The following SPINK8 variants were observed in gnomAD, a reference collection of about 807,000 sequenced individuals.
SPINK8 encodes the protein serine protease inhibitor Kazal-type 8.
SPINK8 carries 12 observed loss-of-function variants against 14.4 expected under a neutral mutation model. The observed-to-expected ratio is 0.83, with a 90% confidence interval of 0.53 to 1.35. SPINK8 has a LOEUF of 1.35. Among genes scored for constraint, SPINK8 ranks in the 40% most tolerant of loss-of-function variants. The probability of loss-of-function intolerance (pLI) is 0.00; values close to 1 mark genes in which losing one functional copy is unlikely to be tolerated. For missense variants in SPINK8, 103 were observed against 117.0 expected, an observed-to-expected ratio of 0.88 and a Z score of 0.55; for synonymous variants, 32 against 37.6, an observed-to-expected ratio of 0.85 and a Z score of 0.55.
At chr3:48,320,920 C>G (rs1315348489) in intron 5 of SPINK8, 105 bp downstream of exon 5, 1 of 1,110,578 alleles carries the variant, frequency 9.0e-7, no homozygotes, top group Non-Finnish European at 1.3e-6. Flanking sequence ...TATTCCCATG[C>G]AAGCCCCCTC....
intron 4 of SPINK8, among the ~76,000 whole-genome samples, chr3:48,326,609 G>GAA (rs761081543): frequency 7.4e-6 from 1 of 134,326 alleles, no homozygotes; most frequent in Admixed American, 7.5e-5. Flanking sequence ...TCTGTCTCAA[G>GAA]AAAAAAAAAA....
chr3:48,317,703 G>C (rs2107094610), intron 6 of SPINK8, among the ~76,000 whole-genome samples: 1 of 151,800 alleles, frequency 6.6e-6, no homozygotes, highest in South Asian at 2.1e-4. Flanking sequence ...TTTTAGTAGA[G>C]ATGGGGTTTC....
chr3:48,307,735 T>G (rs2093746834), intron 7 of SPINK8, among the ~76,000 whole-genome samples: 1 of 152,074 alleles, frequency 6.6e-6, no homozygotes, highest in Non-Finnish European at 1.5e-5. Flanking sequence ...CAAGTGTACA[T>G]CTCATTTGAG....
chr3:48,310,628 G>T (rs2035912965), intron 6 of SPINK8, among the ~76,000 whole-genome samples: 1 of 151,740 alleles, frequency 6.6e-6, no homozygotes. Context: ...CTTCCAAGTA[G>T]CTGGGATTAC....
intron 6 of SPINK8, among the ~76,000 whole-genome samples, chr3:48,314,800 A>G (rs1268560848): frequency 6.6e-6 from 1 of 152,220 alleles, no homozygotes; most frequent in Non-Finnish European, 1.5e-5. Context: ...AAGTTAGGCA[A>G]TGAGATGTCC....
intron 4 of SPINK8, among the ~76,000 whole-genome samples, chr3:48,325,975 C>T (rs939820315): frequency 2.6e-5 from 4 of 151,448 alleles, no homozygotes; most frequent in Non-Finnish European, 4.4e-5. Context: ...ATCAGGGCCC[C>T]ACTACTCTCA....
chr3:48,326,900 C>T (rs1377605622), intron 4 of SPINK8, among the ~76,000 whole-genome samples: 1 of 149,924 alleles, frequency 6.7e-6, no homozygotes, highest in Non-Finnish European at 1.5e-5. Flanking sequence ...AACAGCAAGA[C>T]TCTGTCTCAA....
At chr3:48,308,442 A>C (rs1422424410) in intron 7 of SPINK8, among the ~76,000 whole-genome samples, 2 of 152,170 alleles carry the variant, frequency 1.3e-5, no homozygotes, top group Non-Finnish European at 2.9e-5. Flanking sequence ...CTTTTCATCC[A>C]TGGCACAATT....
At chr3:48,318,803 C>T (rs2036029100) in intron 6 of SPINK8, among the ~76,000 whole-genome samples, 1 of 152,134 alleles carries the variant, frequency 6.6e-6, no homozygotes. Context: ...TGTGTTTTTG[C>T]TTTTCTCTCT....
chr3:48,322,793 A>G (rs1326898846), intron 4 of SPINK8, among the ~76,000 whole-genome samples: 2 of 152,158 alleles, frequency 1.3e-5, no homozygotes, highest in African/African-American at 2.4e-5. Context: ...ATAATATTCA[A>G]TGTATGTATA....
intron 2 of SPINK8, among the ~76,000 whole-genome samples, chr3:48,331,389 G>T (rs1012159982): frequency 1.3e-5 from 2 of 152,136 alleles, no homozygotes; most frequent in African/African-American, 4.8e-5. Context: ...TTCAATATCT[G>T]CTTGGCGGTT....
At chr3:48,311,830 A>G (rs964439535) in intron 6 of SPINK8, among the ~76,000 whole-genome samples, 2 of 152,264 alleles carry the variant, frequency 1.3e-5, no homozygotes, top group African/African-American at 2.4e-5. Flanking sequence ...TACAGATTCA[A>G]TGAAATCCTT....
At chr3:48,312,165 G>T (rs996057346) in intron 6 of SPINK8, among the ~76,000 whole-genome samples, 1 of 151,674 alleles carries the variant, frequency 6.6e-6, no homozygotes, top group Admixed American at 6.6e-5. Flanking sequence ...ATAATCAGTG[G>T]TACTGGTACT....
chr3:48,311,692 T>A (rs1044492812), intron 6 of SPINK8, among the ~76,000 whole-genome samples: 2 of 152,128 alleles, frequency 1.3e-5, no homozygotes, highest in Non-Finnish European at 2.9e-5. Flanking sequence ...GGTGAAAGAC[T>A]TGTACACTCA....
intron 3 of SPINK8, 50 bp from the exon 4 acceptor site, chr3:48,328,404 C>G (rs567009859): frequency 6.1e-5 from 82 of 1,350,474 alleles, no homozygotes; most frequent in Non-Finnish European, 8.4e-5. Flanking sequence ...ATGCGAAGTA[C>G]AAGTTCTCAC....
chr3:48,307,954 C>G (rs1447938751), intron 7 of SPINK8, among the ~76,000 whole-genome samples: 1 of 134,578 alleles, frequency 7.4e-6, no homozygotes, highest in Non-Finnish European at 1.6e-5. Context: ...TGACTTCAGT[C>G]TGCATTCTTT....
chr3:48,318,808 C>G (rs1575343691), intron 6 of SPINK8, among the ~76,000 whole-genome samples: 1 of 152,178 alleles, frequency 6.6e-6, no homozygotes, highest in East Asian at 1.9e-4. Context: ...TTTTGCTTTT[C>G]TCTCTTAAGA....
intron 7 of SPINK8, among the ~76,000 whole-genome samples, chr3:48,308,205 A>G (rs2035876153): frequency 6.6e-6 from 1 of 151,346 alleles, no homozygotes; most frequent in African/African-American, 2.4e-5. Context: ...CGATCTCCTG[A>G]CCTTGTGATC....
intron 4 of SPINK8, among the ~76,000 whole-genome samples, chr3:48,326,949 G>C (rs2036154585): frequency 6.6e-6 from 1 of 151,804 alleles, no homozygotes; most frequent in Non-Finnish European, 1.5e-5. Flanking sequence ...TATGAACTAT[G>C]ATATCTATAT....
Sources: allele counts gnomAD v4.1 joint callset (sites outside exome capture counted in the v4.1 genomes callset), GRCh38; gene constraint gnomAD v4.1.1; transcripts MANE v1.5; gene names NCBI Gene and HGNC (gene_info 2026-07-23, HGNC 2026-07-21).